PCDH19: variants seen among roughly 807,000 people sequenced by gnomAD.
PCDH19 encodes protocadherin 19.
Under a neutral mutation model 46.2 loss-of-function variants are expected in PCDH19, and 6 were observed. The ratio of observed to expected loss-of-function variants is 0.13; its 90% CI spans 0.07 to 0.26. PCDH19 has a LOEUF of 0.26. Ranked by LOEUF, PCDH19 falls within the 10% of genes least tolerant of loss-of-function variation. PCDH19 has a pLI of 1.00. For synonymous variants in PCDH19, 481 were observed against 415.7 expected (o/e 1.16, Z -1.91); for missense variants, 740 against 972.3 (o/e 0.76, Z 3.18).
At chrX:100,380,022 G>A (rs758769327) in intron 3 of PCDH19, among the ~76,000 whole-genome samples, 2 of 112,365 alleles carry the variant, frequency 1.8e-5, no homozygotes, top group South Asian at 7.3e-4. Context: ...CTTTGAAACA[G>A]ATTCTTTTCA....
chrX:100,341,777 T>C, intron 5 of PCDH19, 126 bp downstream of exon 5: 1 of 594,631 alleles, frequency 1.7e-6, no homozygotes, highest in Non-Finnish European at 2.8e-6. Context: ...CTGTAGATGC[T>C]GCTGAGGTGT....
intron 3 of PCDH19, among the ~76,000 whole-genome samples, chrX:100,355,854 C>A (rs752426649): frequency 1.8e-5 from 2 of 111,072 alleles, no homozygotes; most frequent in East Asian, 5.7e-4. Flanking sequence ...CTTTGTCAGG[C>A]CCCCAAGGTA....
At chrX:100,388,665 G>C (rs1927781649) in intron 3 of PCDH19, among the ~76,000 whole-genome samples, 1 of 110,330 alleles carries the variant, frequency 9.1e-6, no homozygotes. Context: ...CCCCAGGAAA[G>C]ATTATATCAA....
chrX:100,379,676 C>T (rs1215717153), intron 3 of PCDH19, among the ~76,000 whole-genome samples: 1 of 112,187 alleles, frequency 8.9e-6, no homozygotes, highest in Admixed American at 9.5e-5. Context: ...AGGAAAGACG[C>T]CTTTCTTCTC....
Position 100,409,664 on chromosome X carries a change from G to A in PCDH19, c.-1067C>T. The A allele has an allele frequency of 4.7e-6, 1 of 213,428 alleles. No homozygotes were observed. Among genetic ancestry groups the A allele is most frequent in the Non-Finnish European group, 8.2e-6 (1 of 121,444 alleles). 17.6% of individuals were successfully genotyped at this position (213,428 alleles called of 1,213,427 possible). A position where few individuals can be genotyped will look rare whatever the true frequency, so the allele number is the denominator to read the frequency against. ...AGGCGGGGCCGCCGCCGTGGGTACC[G>A]GGTGCTTCTCTTCTCTCCGTTTGGG... On this transcript the variant is annotated 5_prime_UTR_variant, in exon 1 of 6. Coordinates refer to ENST00000373034, the MANE Select transcript of PCDH19 (RefSeq NM_001184880.2).
At chrX:100,305,381 G>A (rs989139895) in intron 5 of PCDH19, among the ~76,000 whole-genome samples, 2 of 111,324 alleles carry the variant, frequency 1.8e-5, no homozygotes, top group African/African-American at 6.5e-5. Context: ...GACAGAATTC[G>A]CCACTACCAA....
intron 3 of PCDH19, among the ~76,000 whole-genome samples, chrX:100,353,732 C>T (rs913589275): frequency 8.9e-6 from 1 of 111,902 alleles, no homozygotes; most frequent in Non-Finnish European, 1.9e-5. Context: ...TGTAACCTTC[C>T]TATCTTTTAT....
intron 1 of PCDH19, among the ~76,000 whole-genome samples, chrX:100,405,025 T>C (rs1465934253): frequency 1.8e-5 from 2 of 112,392 alleles, no homozygotes; most frequent in East Asian, 5.6e-4. Flanking sequence ...GCATTGCAGC[T>C]GCTCTTTTAT....
At chrX:100,343,462 A>G (rs1161464621) in intron 4 of PCDH19, among the ~76,000 whole-genome samples, 2 of 112,248 alleles carry the variant, frequency 1.8e-5, no homozygotes, top group African/African-American at 6.5e-5. Context: ...TTTCAGCTCA[A>G]GTGTTGATAG....
intron 3 of PCDH19, among the ~76,000 whole-genome samples, chrX:100,376,964 T>G (rs1027789910): frequency 1.8e-5 from 2 of 112,423 alleles, no homozygotes; most frequent in African/African-American, 6.5e-5. Context: ...TTGTATTACT[T>G]TTGGTTCCCT....
chrX:100,403,911 G>C (rs184451183), intron 1 of PCDH19, among the ~76,000 whole-genome samples: 4 of 112,081 alleles, frequency 3.6e-5, no homozygotes, highest in Non-Finnish European at 5.6e-5. Context: ...TTGGAAATTC[G>C]ATTTCTGGGC....
intron 5 of PCDH19, among the ~76,000 whole-genome samples, chrX:100,301,784 C>T (rs762166065): frequency 8.9e-6 from 1 of 112,010 alleles, no homozygotes; most frequent in Admixed American, 9.4e-5. Context: ...CCACCCTTGA[C>T]CTATCTAACT....
intron 5 of PCDH19, among the ~76,000 whole-genome samples, chrX:100,337,189 T>C (rs949530319): frequency 9.0e-6 from 1 of 111,425 alleles, no homozygotes; most frequent in Non-Finnish European, 1.9e-5. Flanking sequence ...GTGGTAATTT[T>C]ACCAGGTAAC....
At chrX:100,356,457 G>C (rs951614103) in intron 3 of PCDH19, among the ~76,000 whole-genome samples, 1 of 111,298 alleles carries the variant, frequency 9.0e-6, no homozygotes, top group African/African-American at 3.3e-5. Flanking sequence ...GATGGCTTTT[G>C]GAAATGAGAT....
intron 3 of PCDH19, among the ~76,000 whole-genome samples, chrX:100,401,698 A>G (rs1169605991): frequency 9.1e-6 from 1 of 109,772 alleles, no homozygotes; most frequent in Non-Finnish European, 1.9e-5. Context: ...CCCAGTGAAG[A>G]GAAAGAAACA....
At chrX:100,349,766 G>C (rs1477868631) in intron 4 of PCDH19, among the ~76,000 whole-genome samples, 2 of 112,478 alleles carry the variant, frequency 1.8e-5, no homozygotes, top group Non-Finnish European at 3.8e-5. Flanking sequence ...ACATGAAACA[G>C]CAATACAGGC....
intron 3 of PCDH19, among the ~76,000 whole-genome samples, chrX:100,399,091 G>A (rs1449913176): frequency 8.9e-6 from 1 of 112,009 alleles, no homozygotes; most frequent in African/African-American, 3.2e-5. Flanking sequence ...CATTCTAAAT[G>A]TATAATAACT....
At chrX:100,396,998 C>T (rs1252180462) in intron 3 of PCDH19, among the ~76,000 whole-genome samples, 1 of 111,904 alleles carries the variant, frequency 8.9e-6, no homozygotes, top group Non-Finnish European at 1.9e-5. Context: ...AAACAAGACG[C>T]GCACTAAAGG....
chrX:100,383,186 G>C (rs1243486707), intron 3 of PCDH19, among the ~76,000 whole-genome samples: 1 of 111,913 alleles, frequency 8.9e-6, no homozygotes, highest in Non-Finnish European at 1.9e-5. Context: ...TATGTGCCAG[G>C]TGCTTGAACA....
Sources: allele counts gnomAD v4.1 joint callset (sites outside exome capture counted in the v4.1 genomes callset), GRCh38; gene constraint gnomAD v4.1.1; transcripts MANE v1.5; gene names NCBI Gene and HGNC (gene_info 2026-07-23, HGNC 2026-07-21).